Variants in FNIP1 observed in about 807,000 individuals in gnomAD.
FNIP1 encodes folliculin-interacting protein 1.
In FNIP1, 40 loss-of-function variants were observed where a neutral mutation model predicts 124.5. The ratio of observed to expected loss-of-function variants is 0.32; its 90% CI spans 0.25 to 0.42. The LOEUF (loss-of-function observed/expected upper bound fraction) is 0.42. FNIP1 is among the 10% of genes least tolerant of loss of function. The pLI is 1.00. For missense variants in FNIP1, 1,176 were observed against 1,403.7 expected, an observed-to-expected ratio of 0.84 and a Z score of 2.59; for synonymous variants, 472 against 470.6, an observed-to-expected ratio of 1.00 and a Z score of -0.04.
At position 131,671,742 on chromosome 5, in the gene FNIP1, G is replaced by T. The variant is rs139060439; in HGVS notation, c.2702C>A (p.Pro901His). 136 of 1,613,964 alleles carry T rather than the reference G, an allele frequency of 8.4e-5. No individual in the cohort carries two copies. Among genetic ancestry groups the T allele is most frequent in the Non-Finnish European group, 9.5e-5 (112 of 1,179,988 alleles). ...VPQDSCKTCF[P>H]QQDQRDTLSI... ...GAGTGTATCTCTTTGGTCCTGCTGA[G>T]GAAAGCAGGTTTTACATGAATCTTG... is the stretch of plus-strand genomic sequence containing the variant. Residue 901 changes from proline (P) to histidine (H), a missense_variant, in exon 14 of 18, where the codon CCT becomes CAT. Pro to His is a moderately conservative substitution (Grantham distance 77). Around this residue, in one of 2 missense-constraint regions of FNIP1, gnomAD observed 1,109 missense variants for 1,288.5 expected, o/e 0.86. Coordinates refer to ENST00000510461, the MANE Select transcript of FNIP1 (RefSeq NM_133372.3).
At chr5:131,760,738 A>T (rs1267575237) in intron 1 of FNIP1, among the ~76,000 whole-genome samples, 1 of 152,158 alleles carries the variant, frequency 6.6e-6, no homozygotes, top group Non-Finnish European at 1.5e-5. Context: ...GAAACCATTA[A>T]CATCCTATGC....
chr5:131,730,894 A>G lies in FNIP1; in HGVS notation c.354+10T>C, dbSNP rs1561678598. 3 of 1,587,032 alleles carry G rather than the reference A, an allele frequency of 1.9e-6. No individual in the cohort carries two copies. The highest frequency in any genetic ancestry group is 2.6e-6 in the Non-Finnish European group (3 of 1,168,148). ...ATGAATGAATAAATAAATGACATCA[A>G]TGATCTTACCTGGTACTTAAGACAC... On this transcript the variant is annotated intron_variant, in intron 3 of 17. Coordinates refer to ENST00000510461, the MANE Select transcript of FNIP1 (RefSeq NM_133372.3).
At chr5:131,764,302 AAC>A (rs1771345693) in intron 1 of FNIP1, among the ~76,000 whole-genome samples, 1 of 150,864 alleles carries the variant, frequency 6.6e-6, no homozygotes, top group Non-Finnish European at 1.5e-5. Context: ...AATGGCCTAA[AAC>A]ACCTTTTTTT....
At chr5:131,745,971 ACT>A (rs1214336968) in intron 1 of FNIP1, among the ~76,000 whole-genome samples, 1 of 152,204 alleles carries the variant, frequency 6.6e-6, no homozygotes, top group Non-Finnish European at 1.5e-5. Flanking sequence ...TAACAGGTGA[ACT>A]GGCGCAATGA....
intron 1 of FNIP1, among the ~76,000 whole-genome samples, chr5:131,782,859 C>T (rs550364698): frequency 6.6e-6 from 1 of 152,370 alleles, no homozygotes; most frequent in African/African-American, 2.4e-5. Flanking sequence ...GTGGTGGTTT[C>T]ACCATGTTGG....
chr5:131,718,872 T>A (rs767252722), intron 5 of FNIP1, 114 bp downstream of exon 5: 10 of 804,566 alleles, frequency 1.2e-5, no homozygotes, highest in African/African-American at 3.5e-5. Context: ...ACTTTTAAAC[T>A]TAAGGAAAGA....
At chr5:131,718,190 A>C (rs1187459763) in intron 5 of FNIP1, among the ~76,000 whole-genome samples, 1 of 139,384 alleles carries the variant, frequency 7.2e-6, no homozygotes, top group Non-Finnish European at 1.6e-5. Context: ...CTCCATCTCG[A>C]AAAAAAAAAA....
At chr5:131,682,731 C>G (rs1768131956) in intron 11 of FNIP1, among the ~76,000 whole-genome samples, 2 of 151,806 alleles carry the variant, frequency 1.3e-5, no homozygotes, top group African/African-American at 2.4e-5. Flanking sequence ...AAAAAAAAAT[C>G]TAGAAGTAAT....
At position 131,647,196 on chromosome 5, in the gene FNIP1, G is replaced by A. The variant is rs1319855645; in HGVS notation, c.3316C>T (p.His1106Tyr). The change falls in exon 17 of 18, where the codon CAT becomes TAT. Residue 1106 changes from histidine (H) to tyrosine (Y), a missense_variant. His to Tyr is a moderately conservative substitution (Grantham distance 83). This residue lies in a region of FNIP1 where 67 missense variants were observed against 115.2 expected (regional missense o/e 0.58). Transcript: ENST00000510461. Reference protein sequence around the residue: ...HNLSPNFCVMHLEDRLQELYF... With the variant: ...HNLSPNFCVMYLEDRLQELYF... Reference sequence around the variant, plus strand: ...AGCTCCTGCAACCGGTCTTCAAGATGCATTACACACTGCAGTTAGGGAGGA... The same window carrying A: ...AGCTCCTGCAACCGGTCTTCAAGATACATTACACACTGCAGTTAGGGAGGA... The A allele has an allele frequency of 6.2e-7, 1 of 1,613,706 alleles. No individual in the cohort carries two copies. Among genetic ancestry groups the A allele is most frequent in the East Asian group, 2.2e-5 (1 of 44,882 alleles).
intron 8 of FNIP1, among the ~76,000 whole-genome samples, chr5:131,707,717 G>A (rs1006093047): frequency 2.0e-5 from 3 of 151,786 alleles, no homozygotes; most frequent in Admixed American, 1.3e-4. Context: ...TCCTAAGTTT[G>A]GAAAAAATAC....
intron 1 of FNIP1, among the ~76,000 whole-genome samples, chr5:131,755,036 G>T (rs1284003859): frequency 6.6e-6 from 1 of 152,188 alleles, no homozygotes; most frequent in Non-Finnish European, 1.5e-5. Context: ...TATCTCAGGA[G>T]GGGGAGTAAG....
intron 1 of FNIP1, among the ~76,000 whole-genome samples, chr5:131,769,347 T>C (rs1771549520): frequency 6.6e-6 from 1 of 152,226 alleles, no homozygotes; most frequent in Non-Finnish European, 1.5e-5. Context: ...TTTAAAATTT[T>C]CAGATATTTT....
intron 12 of FNIP1, among the ~76,000 whole-genome samples, 190 bp from the exon 13 acceptor site, chr5:131,678,062 A>C (rs1767962910): frequency 1.3e-5 from 2 of 152,222 alleles, no homozygotes; most frequent in Admixed American, 1.3e-4. Context: ...TTTCTGGTTG[A>C]GGAGGAGTTA....
intron 3 of FNIP1, among the ~76,000 whole-genome samples, chr5:131,726,484 C>A (rs1192652279): frequency 1.3e-5 from 2 of 151,012 alleles, no homozygotes; most frequent in African/African-American, 2.4e-5. Context: ...TATTTGTGTA[C>A]AAACTATGAT....
At chr5:131,758,052 C>A (rs1771106211) in intron 1 of FNIP1, among the ~76,000 whole-genome samples, 1 of 152,090 alleles carries the variant, frequency 6.6e-6, no homozygotes, top group Non-Finnish European at 1.5e-5. Flanking sequence ...GAAGTTGTGA[C>A]ATGGAAATCT....
intron 8 of FNIP1, 130 bp from the exon 9 acceptor site, chr5:131,706,676 TA>T (rs1452118757): frequency 2.1e-6 from 2 of 931,230 alleles, no homozygotes; most frequent in African/African-American, 3.4e-5. Flanking sequence ...AAATGTTCAT[TA>T]AAAGAACACA....
chr5:131,698,551 C>T (rs933288265), intron 11 of FNIP1, among the ~76,000 whole-genome samples: 1 of 152,156 alleles, frequency 6.6e-6, no homozygotes, highest in Admixed American at 6.5e-5. Flanking sequence ...ATCCATATAT[C>T]CTTGTATCTC....
At chr5:131,647,591 A>G (rs1766926364) in intron 16 of FNIP1, among the ~76,000 whole-genome samples, 1 of 152,100 alleles carries the variant, frequency 6.6e-6, no homozygotes, top group Non-Finnish European at 1.5e-5. Flanking sequence ...CTCCTGCCTC[A>G]GTCTCCTGAG....
chr5:131,793,812 C>A (rs1772487543), intron 1 of FNIP1, among the ~76,000 whole-genome samples: 1 of 152,016 alleles, frequency 6.6e-6, no homozygotes, highest in Non-Finnish European at 1.5e-5. Flanking sequence ...CTAACTACAC[C>A]CAAGCCTGAT....
Sources: allele counts gnomAD v4.1 joint callset (sites outside exome capture counted in the v4.1 genomes callset), GRCh38; gene constraint gnomAD v4.1.1; regional missense constraint gnomAD v4.1.1; transcripts MANE v1.5; gene names NCBI Gene and HGNC (gene_info 2026-07-23, HGNC 2026-07-21).